Variants in NDUFAF2 observed in about 807,000 individuals in gnomAD.
NDUFAF2 encodes the protein NADH dehydrogenase [ubiquinone] 1 alpha subcomplex assembly factor 2.
Under a neutral mutation model 22.8 loss-of-function variants are expected in NDUFAF2, and 13 were observed. The ratio of observed to expected loss-of-function variants is 0.57; its 90% CI spans 0.37 to 0.91. NDUFAF2 has a LOEUF of 0.91. Ranked by LOEUF, NDUFAF2 falls within the 40% of genes least tolerant of loss-of-function variation. The pLI, the probability that NDUFAF2 is intolerant of heterozygous loss-of-function variation, is 0.01. For synonymous variants in NDUFAF2, 53 were observed against 64.2 expected (o/e 0.83, Z 0.84); for missense variants, 162 against 195.2 (o/e 0.83, Z 1.01).
chr5:61,077,798 A>T (rs748070575), intron 2 of NDUFAF2, among the ~76,000 whole-genome samples: 1 of 152,176 alleles, frequency 6.6e-6, no homozygotes, highest in African/African-American at 2.4e-5. Flanking sequence ...TAGCAGAAAA[A>T]GAGTCTGTGG....
chr5:60,980,529 T>C (rs771259611), intron 1 of NDUFAF2, among the ~76,000 whole-genome samples: 3 of 152,090 alleles, frequency 2.0e-5, no homozygotes, highest in Non-Finnish European at 2.9e-5. Flanking sequence ...CCCAGCACTT[T>C]GGGAGGCTAA....
chr5:60,965,409 C>T (rs1388494934), intron 1 of NDUFAF2, among the ~76,000 whole-genome samples: 2 of 152,126 alleles, frequency 1.3e-5, no homozygotes, highest in African/African-American at 4.8e-5. Flanking sequence ...TAGCAATTTT[C>T]AAGTATATAA....
At chr5:61,138,293 G>A (rs999315834) in intron 3 of NDUFAF2, among the ~76,000 whole-genome samples, 5 of 151,690 alleles carry the variant, frequency 3.3e-5, no homozygotes, top group African/African-American at 7.3e-5. Context: ...AATGCTATTG[G>A]CCATAGAGAT....
At chr5:61,112,263 G>C (rs1752854249) in intron 3 of NDUFAF2, among the ~76,000 whole-genome samples, 1 of 141,034 alleles carries the variant, frequency 7.1e-6, no homozygotes, top group Admixed American at 7.2e-5. Context: ...CACCAGGCTA[G>C]AGTGCTATGG....
chr5:61,056,889 C>CAAA (rs144850054), intron 1 of NDUFAF2, among the ~76,000 whole-genome samples: 17 of 46,792 alleles, frequency 3.6e-4, no homozygotes, highest in Non-Finnish European at 3.9e-4. Context: ...ACTCTGTCTC[C>CAAA]AAAAAAAAAA....
At chr5:61,014,229 C>T (rs2112599400) in intron 1 of NDUFAF2, among the ~76,000 whole-genome samples, 1 of 152,278 alleles carries the variant, frequency 6.6e-6, no homozygotes, top group South Asian at 2.1e-4. Context: ...AGCAATCATG[C>T]CTATTTAATG....
At chr5:61,012,837 T>C (rs967046803) in intron 1 of NDUFAF2, among the ~76,000 whole-genome samples, 13 of 152,198 alleles carry the variant, frequency 8.5e-5, no homozygotes, top group Admixed American at 5.9e-4. Context: ...TGGGGCAAAG[T>C]AAATGAAAAA....
At chr5:61,105,565 A>C (rs1383792350) in intron 3 of NDUFAF2, among the ~76,000 whole-genome samples, 17 of 150,642 alleles carry the variant, frequency 1.1e-4, no homozygotes, top group Non-Finnish European at 2.1e-4. Context: ...GAAAAAAAAA[A>C]CTTAAGAATG....
At chr5:61,056,201 G>A (rs1256577528) in intron 1 of NDUFAF2, among the ~76,000 whole-genome samples, 1 of 152,138 alleles carries the variant, frequency 6.6e-6, no homozygotes, top group African/African-American at 2.4e-5. Context: ...CCAGGCATGG[G>A]CTATCAGTAC....
At chr5:61,042,043 A>G (rs1751890082) in intron 1 of NDUFAF2, among the ~76,000 whole-genome samples, 1 of 152,192 alleles carries the variant, frequency 6.6e-6, no homozygotes, top group South Asian at 2.1e-4. Context: ...TAGATTTGTC[A>G]CTAATACGCT....
At chr5:61,044,301 G>A (rs1328919979) in intron 1 of NDUFAF2, among the ~76,000 whole-genome samples, 1 of 151,770 alleles carries the variant, frequency 6.6e-6, no homozygotes, top group African/African-American at 2.4e-5. Flanking sequence ...TCTCTAGGTT[G>A]TATCTTCACT....
chr5:61,117,928 C>A (rs1437334225), intron 3 of NDUFAF2, among the ~76,000 whole-genome samples: 1 of 152,122 alleles, frequency 6.6e-6, no homozygotes, highest in East Asian at 1.9e-4. Context: ...GTTTGTCAAT[C>A]CTGGTAATGA....
At chr5:61,104,442 T>C (rs898819137) in intron 3 of NDUFAF2, among the ~76,000 whole-genome samples, 3 of 152,122 alleles carry the variant, frequency 2.0e-5, no homozygotes, top group Admixed American at 6.6e-5. Flanking sequence ...TTCAGCCTAC[T>C]TCATTTTTAA....
At chr5:61,006,558 T>G (rs1312573870) in intron 1 of NDUFAF2, among the ~76,000 whole-genome samples, 1 of 152,194 alleles carries the variant, frequency 6.6e-6, no homozygotes, top group Non-Finnish European at 1.5e-5. Context: ...ACGATATTGA[T>G]TCTTCCTACC....
rs143694809 is a variant in NDUFAF2, at chr5:60,981,869, A to C, written c.127+36487A>C. On this transcript the variant is annotated intron_variant, in intron 1 of 3. Transcript: ENST00000296597. ...ACAGTGAGGAAAAGACAGTCTCTTTAATAAATGGTGCTGGGAAAACTGGAT... is the reference window on the plus strand; with the variant it reads ...ACAGTGAGGAAAAGACAGTCTCTTTCATAAATGGTGCTGGGAAAACTGGAT... Among the ~76,000 whole-genome samples the C allele has an allele frequency of 9.8e-5, 15 of 152,304 alleles. No homozygotes were observed. In the East Asian group the frequency reaches 2.7e-3, roughly 28 times the overall value.
Position 61,089,742 on chromosome 5 carries a change from C to T in NDUFAF2, c.218-9250C>T, listed in dbSNP as rs550433483. ...GTCCCCTGACAGTAAATAGACTAGG[C>T]AATATTTATTATAATACATTCAGTA... On this transcript the variant is annotated intron_variant, in intron 2 of 3. Transcript: ENST00000296597. Among the ~76,000 whole-genome samples, 7 of 152,094 alleles carry T rather than the reference C, an allele frequency of 4.6e-5. 1 individual carries two copies. The highest frequency in any genetic ancestry group is 1.7e-4 in the African/African-American group (7 of 41,526).
chr5:60,965,286 C>T (rs1750739963), intron 1 of NDUFAF2, among the ~76,000 whole-genome samples: 1 of 152,046 alleles, frequency 6.6e-6, no homozygotes, highest in Admixed American at 6.5e-5. Flanking sequence ...TTACAGTGTA[C>T]AATGTGATGT....
chr5:61,136,245 G>A (rs1020573471), intron 3 of NDUFAF2, among the ~76,000 whole-genome samples: 5 of 151,552 alleles, frequency 3.3e-5, no homozygotes, highest in African/African-American at 1.2e-4. Context: ...TTAAGGGGTA[G>A]GTTTTCAAAA....
chr5:60,987,773 A>C (rs566106822), intron 1 of NDUFAF2, among the ~76,000 whole-genome samples: 10 of 149,484 alleles, frequency 6.7e-5, no homozygotes, highest in African/African-American at 2.4e-4. Context: ...GCATTGAAGG[A>C]ATGCAAATAA....
Sources: gnomAD v4.1 joint callset for allele counts (sites outside exome capture counted in the v4.1 genomes callset) on GRCh38, gnomAD v4.1.1 for gene constraint, MANE v1.5 for transcripts, NCBI Gene and HGNC (gene_info 2026-07-23, HGNC 2026-07-21) for gene names.